Variants in ADCY9 observed in about 807,000 individuals in gnomAD.
The protein encoded by ADCY9 is adenylate cyclase 9.
A neutral mutation model predicts 101.5 loss-of-function variants in ADCY9; 50 were observed. The ratio of observed to expected loss-of-function variants is 0.49; its 90% confidence interval spans 0.39 to 0.62. The LOEUF (loss-of-function observed/expected upper bound fraction) is 0.62. Among genes scored for constraint, ADCY9 ranks in the 20% least tolerant of loss-of-function variants. The probability of loss-of-function intolerance (pLI) is 0.00; values close to 1 mark genes in which losing one functional copy is unlikely to be tolerated. For synonymous variants in ADCY9, 905 were observed against 769.3 expected, an observed-to-expected ratio of 1.18 and a Z score of -2.92; for missense variants, 1,662 against 1,800.4, an observed-to-expected ratio of 0.92 and a Z score of 1.39.
At chr16:4,061,524 G>A (rs8047038) in intron 2 of ADCY9, among the ~76,000 whole-genome samples, 36,765 of 151,956 alleles carry the variant, frequency 0.24, 4,712 homozygotes, top group African/African-American at 0.29. Flanking sequence ...CTGACTTCAC[G>A]TTAGAAATTA....
Position 3,989,009 on chromosome 16 carries a change from G to T in ADCY9, c.2295C>A (p.Thr765=). The stretch of plus-strand genomic sequence containing the variant: ...ATGAACGCACCTCTTCCTGATAGCT[G>T]GTCCTGTAGGATCGCTCCAGCTCCT... ...LDQELERSYR[T]SYQEEVIKNS... Residue 765 remains threonine, a synonymous_variant, in exon 6 of 11, where the codon ACC becomes ACA. Coordinates refer to ENST00000294016, the MANE Select transcript of ADCY9 (RefSeq NM_001116.4). The T allele has an allele frequency of 6.2e-7, 1 of 1,613,452 alleles. No individual in the cohort carries two copies. Among genetic ancestry groups the T allele is most frequent in the Non-Finnish European group, 8.5e-7 (1 of 1,179,456 alleles).
chr16:3,995,598 AAT>A (rs201391953), intron 3 of ADCY9, among the ~76,000 whole-genome samples: 1 of 141,724 alleles, frequency 7.1e-6, no homozygotes, highest in African/African-American at 2.7e-5. Flanking sequence ...CGTGGCAAGA[AAT>A]ATATTTTTTT....
intron 2 of ADCY9, among the ~76,000 whole-genome samples, chr16:4,060,122 CGG>C (rs2056765833): frequency 6.6e-6 from 1 of 152,120 alleles, no homozygotes; most frequent in African/African-American, 2.4e-5. Context: ...ACATAAACCA[CGG>C]TGATTTCCTG....
At chr16:4,073,113 CAGAA>C (rs1160522361) in intron 2 of ADCY9, among the ~76,000 whole-genome samples, 2 of 151,034 alleles carry the variant, frequency 1.3e-5, no homozygotes, top group East Asian at 3.9e-4. Context: ...TCTTTTTTTT[CAGAA>C]AGAGTCTCAC....
intron 2 of ADCY9, among the ~76,000 whole-genome samples, chr16:4,093,768 A>T (rs2056987140): frequency 6.6e-6 from 1 of 152,100 alleles, no homozygotes; most frequent in African/African-American, 2.4e-5. Flanking sequence ...CAAAATAATT[A>T]ATTAATTAAT....
At chr16:4,020,836 AAAG>A (rs1481487500) in intron 2 of ADCY9, among the ~76,000 whole-genome samples, 2 of 151,800 alleles carry the variant, frequency 1.3e-5, no homozygotes, top group Non-Finnish European at 2.9e-5. Flanking sequence ...AAAAAAAAAA[AAAG>A]AAAGTGGAAT....
chr16:4,061,102 C>G (rs923050783), intron 2 of ADCY9, among the ~76,000 whole-genome samples: 1 of 151,900 alleles, frequency 6.6e-6, no homozygotes, highest in Non-Finnish European at 1.5e-5. Context: ...ACTAGAGGGG[C>G]TCAACAACAG....
chr16:3,978,147 G>A (rs1167780816), intron 8 of ADCY9, among the ~76,000 whole-genome samples: 2 of 152,174 alleles, frequency 1.3e-5, no homozygotes, highest in African/African-American at 2.4e-5. Context: ...CCTACCCGGC[G>A]TGAGGCTCCC....
intron 10 of ADCY9, among the ~76,000 whole-genome samples, chr16:3,969,681 C>A (rs1397519076): frequency 7.1e-6 from 1 of 139,910 alleles, no homozygotes; most frequent in Admixed American, 7.5e-5. Context: ...GTGGTGCGAT[C>A]CTAGCTCACT....
In ADCY9 at chr16:3,966,471, G is replaced by A. The variant is rs774968448; in HGVS notation, c.3366C>T (p.Thr1122=). ...ATYMAASGLN[T]AQAQDGSHPQ... ...GGTGGCTGCCGTCCTGGGCCTGCGC[G>A]GTGTTCAGCCCTGACGCCGCCATGT... Residue 1122 remains threonine, a synonymous_variant, in exon 11 of 11, where the codon ACC becomes ACT. Transcript: ENST00000294016. 6.2e-6 allele frequency: 10 copies of A among 1,613,960 alleles called. No homozygotes were observed. The highest frequency in any genetic ancestry group is 2.7e-5 in the African/African-American group (2 of 74,916).
intron 9 of ADCY9, among the ~76,000 whole-genome samples, 154 bp from the exon 10 acceptor site, chr16:3,974,864 G>C (rs2056081220): frequency 6.6e-6 from 1 of 152,186 alleles, no homozygotes; most frequent in Non-Finnish European, 1.5e-5. Flanking sequence ...CTTCACATCT[G>C]TGTCTCCCAA....
chr16:3,968,149 T>C (rs2056015879), intron 10 of ADCY9, among the ~76,000 whole-genome samples: 1 of 152,108 alleles, frequency 6.6e-6, no homozygotes, highest in Non-Finnish European at 1.5e-5. Context: ...ATTTGGTTCT[T>C]AGATTTCTTT....
At chr16:4,046,951 A>G (rs78508341) in intron 2 of ADCY9, among the ~76,000 whole-genome samples, 8,130 of 152,226 alleles carry the variant, frequency 0.053, 768 homozygotes, top group African/African-American at 0.19. Flanking sequence ...TCGAGGCTGC[A>G]GTAAGCTATA....
intron 2 of ADCY9, among the ~76,000 whole-genome samples, chr16:4,111,205 T>A (rs374088384): frequency 6.6e-6 from 1 of 152,226 alleles, no homozygotes; most frequent in African/African-American, 2.4e-5. Context: ...GGGCCGCTAC[T>A]GGCTGCTTTT....
rs575192588 is a variant in ADCY9 at position 3,992,025 on chromosome 16, C to G, written c.2207+121G>C. 54 of 920,366 alleles carry G rather than the reference C, an allele frequency of 5.9e-5. 1 individual carries two copies. The highest frequency in any genetic ancestry group is 4.5e-4 in the Admixed American group (17 of 37,912). The allele number at this position is 920,366 out of a possible 1,614,324, so 57.0% of individuals were successfully genotyped here. On this transcript the variant is annotated intron_variant, in intron 5 of 10. Coordinates refer to ENST00000294016, the MANE Select transcript of ADCY9 (RefSeq NM_001116.4). The surrounding 1 kb of genome is among the most constrained non-coding windows in gnomAD (Gnocchi z 4.2). ...GATAGAGGCTGCAGTGAGCCAAGAT[C>G]GCGCCACTGCACTGCAGCCTGGATG... is the stretch of plus-strand genomic sequence containing the variant.
chr16:4,071,568 T>C (rs1051021564), intron 2 of ADCY9, among the ~76,000 whole-genome samples: 3 of 152,070 alleles, frequency 2.0e-5, no homozygotes, highest in Admixed American at 6.6e-5. Flanking sequence ...CTTACTATTA[T>C]ATATATAATT....
At chr16:4,003,821 C>T (rs562416164) in intron 3 of ADCY9, among the ~76,000 whole-genome samples, 2 of 152,194 alleles carry the variant, frequency 1.3e-5, no homozygotes, top group African/African-American at 4.8e-5. Flanking sequence ...CCCTCCGCGA[C>T]GCTGACAGTG....
chr16:3,973,864 T>C (rs1255144089), intron 10 of ADCY9, among the ~76,000 whole-genome samples: 4 of 152,186 alleles, frequency 2.6e-5, no homozygotes, highest in Non-Finnish European at 4.4e-5. Flanking sequence ...GTTCTATTTA[T>C]TATTTGTAAG....
chr16:4,031,417 T>C (rs2056554386), intron 2 of ADCY9, among the ~76,000 whole-genome samples: 1 of 152,216 alleles, frequency 6.6e-6, no homozygotes, highest in African/African-American at 2.4e-5. Context: ...TTCAGGGTTC[T>C]TGCACAAATG....
Sources: allele counts gnomAD v4.1 joint callset (sites outside exome capture counted in the v4.1 genomes callset), GRCh38; gene constraint gnomAD v4.1.1; non-coding constraint Gnocchi (gnomAD v3.1); transcripts MANE v1.5; gene names NCBI Gene and HGNC (gene_info 2026-07-23, HGNC 2026-07-21).